SGCD: variants seen among roughly 807,000 people sequenced by gnomAD.
SGCD encodes delta-sarcoglycan.
Under a neutral mutation model 36.6 loss-of-function variants are expected in SGCD, and 18 were observed. That is an observed-to-expected ratio of 0.49 (90% CI 0.34 to 0.73). The LOEUF (loss-of-function observed/expected upper bound fraction) is 0.73, where lower values mean the gene tolerates loss of function less well. SGCD is among the 30% of genes least tolerant of loss of function. The probability of loss-of-function intolerance (pLI) is 0.01; values close to 1 mark genes in which losing one functional copy is unlikely to be tolerated. For synonymous variants in SGCD, 133 were observed against 130.6 expected, an observed-to-expected ratio of 1.02 and a Z score of -0.12; for missense variants, 387 against 346.7, an observed-to-expected ratio of 1.12 and a Z score of -0.92.
At chr5:155,859,151 C>T in the SGCD span, among the ~76,000 whole-genome samples, 3 of 151,910 alleles carry the variant, frequency 2.0e-5, no homozygotes, top group Admixed American at 6.6e-5. Context: ...AGCCGTAACC[C>T]CCAGACTCAG....
At chr5:156,413,552 C>T (rs1487124618) in intron 3 of SGCD, among the ~76,000 whole-genome samples, 1 of 152,218 alleles carries the variant, frequency 6.6e-6, no homozygotes, top group Non-Finnish European at 1.5e-5. Context: ...TCACAGCTCA[C>T]TGCAGCCTCA....
the SGCD span, among the ~76,000 whole-genome samples, chr5:155,821,353 G>C: frequency 4.2e-3 from 630 of 151,494 alleles, 7 homozygotes; most frequent in Non-Finnish European, 6.6e-3. Flanking sequence ...TTTCTCTGTT[G>C]CCCAGGCTGG....
At chr5:155,940,085 G>T (rs1383223316) in intron 1 of SGCD, among the ~76,000 whole-genome samples, 1 of 152,106 alleles carries the variant, frequency 6.6e-6, no homozygotes, top group Non-Finnish European at 1.5e-5. Context: ...TGATCCACCT[G>T]CCTCAGCTTT....
At chr5:156,742,460 A>G (rs995231662) in intron 7 of SGCD, among the ~76,000 whole-genome samples, 4 of 151,968 alleles carry the variant, frequency 2.6e-5, no homozygotes, top group East Asian at 1.9e-4. Context: ...ACAACACTAG[A>G]AATCAGCCTT....
intron 3 of SGCD, among the ~76,000 whole-genome samples, chr5:156,449,852 CAAAAAAAAAA>C (rs10548772): frequency 1.3e-4 from 9 of 67,830 alleles, no homozygotes; most frequent in African/African-American, 4.7e-4. Context: ...AACTCCATCT[CAAAAAAAAAA>C]AAAAAAAAAA....
At chr5:156,099,229 G>A (rs895683790) in intron 1 of SGCD, among the ~76,000 whole-genome samples, 1 of 152,126 alleles carries the variant, frequency 6.6e-6, no homozygotes, top group African/African-American at 2.4e-5. Context: ...AAACATTTCT[G>A]GAGTTAATGG....
chr5:156,339,917 C>T (rs1428936444), intron 2 of SGCD, among the ~76,000 whole-genome samples: 1 of 152,114 alleles, frequency 6.6e-6, no homozygotes, highest in African/African-American at 2.4e-5. Flanking sequence ...GGTTGTATAG[C>T]CTTTAATTGT....
chr5:156,668,886 A>G (rs1011575068), intron 7 of SGCD, among the ~76,000 whole-genome samples: 1 of 152,176 alleles, frequency 6.6e-6, no homozygotes, highest in African/African-American at 2.4e-5. Flanking sequence ...GCAAAGGGTC[A>G]TTGCATATTT....
chr5:156,201,859 T>C (rs1004375369), intron 3 of SGCD, among the ~76,000 whole-genome samples: 24 of 152,106 alleles, frequency 1.6e-4, no homozygotes, highest in Non-Finnish European at 3.5e-4. Context: ...GCTTTATAAA[T>C]GTCAGAGTTG....
At chr5:156,547,771 A>C (rs1444429302) in intron 4 of SGCD, among the ~76,000 whole-genome samples, 2 of 152,164 alleles carry the variant, frequency 1.3e-5, no homozygotes, top group African/African-American at 4.8e-5. Flanking sequence ...GGAAGGCTGA[A>C]AGTTGGTCTC....
At chr5:155,861,763 C>T in the SGCD span, among the ~76,000 whole-genome samples, 1 of 152,138 alleles carries the variant, frequency 6.6e-6, no homozygotes, top group African/African-American at 2.4e-5. Flanking sequence ...TGCCCATCCT[C>T]TCTATCTGTG....
At chr5:156,301,686 G>A (rs575899828) in intron 3 of SGCD, among the ~76,000 whole-genome samples, 4 of 152,178 alleles carry the variant, frequency 2.6e-5, no homozygotes, top group African/African-American at 9.6e-5. Flanking sequence ...TTTCTTGTAA[G>A]ATAGATCTGG....
At position 156,444,064 on chromosome 5, in the gene SGCD, T is replaced by TTCTCTC. The variant is rs535098783; in HGVS notation, c.193-64490_193-64485dup. 6.4e-3 allele frequency among the ~76,000 whole-genome samples: 222 copies of TTCTCTC among 34,450 alleles called. 3 individuals are homozygous for TTCTCTC. Among genetic ancestry groups the TTCTCTC allele is most frequent in the African/African-American group, 9.2e-3 (90 of 9,806 alleles). The allele number at this position is 34,450 out of a possible 152,430, so 22.6% of individuals were successfully genotyped here. A position where few individuals can be genotyped will look rare whatever the true frequency, so the allele number is the denominator to read the frequency against. On this transcript the variant is annotated intron_variant, in intron 3 of 8. Transcript: ENST00000337851. ...CACGCTTTGGAGACTCTTTCTCTCCTTCTCTCTCTCTCTCTCTCTCTCTCT... is the reference window on the plus strand; with the variant it reads ...CACGCTTTGGAGACTCTTTCTCTCCTTCTCTCTCTCTCTCTCTCTCTCTCTCTCTCT...
intron 1 of SGCD, among the ~76,000 whole-genome samples, chr5:155,884,666 A>T (rs543428235): frequency 6.6e-6 from 1 of 152,316 alleles, no homozygotes; most frequent in African/African-American, 2.4e-5. Flanking sequence ...GCATCTGGAT[A>T]GGTATGAACT....
intron 3 of SGCD, among the ~76,000 whole-genome samples, chr5:156,466,990 A>G (rs1754748446): frequency 6.6e-6 from 1 of 152,178 alleles, no homozygotes; most frequent in South Asian, 2.1e-4. Context: ...CATGGGAGAC[A>G]TGTTGAAGGT....
chr5:156,536,833 C>A (rs996629428), intron 4 of SGCD, among the ~76,000 whole-genome samples: 4 of 152,156 alleles, frequency 2.6e-5, no homozygotes, highest in African/African-American at 7.2e-5. Flanking sequence ...GTATTTATTT[C>A]TTTTCCTCAG....
intron 3 of SGCD, among the ~76,000 whole-genome samples, chr5:156,467,429 G>A (rs1029463624): frequency 6.6e-6 from 1 of 152,076 alleles, no homozygotes; most frequent in Non-Finnish European, 1.5e-5. Context: ...AAGAAAGAAA[G>A]CAAGCATAAG....
At chr5:156,152,533 G>C (rs1459235468) in intron 3 of SGCD, among the ~76,000 whole-genome samples, 1 of 151,550 alleles carries the variant, frequency 6.6e-6, no homozygotes, top group African/African-American at 2.4e-5. Context: ...TCAAGACTTA[G>C]TATAAAAAAT....
chr5:156,130,417 C>T (rs1342769699), intron 3 of SGCD, among the ~76,000 whole-genome samples: 1 of 152,120 alleles, frequency 6.6e-6, no homozygotes, highest in Non-Finnish European at 1.5e-5. Context: ...CAGATATTTT[C>T]GTCCATTCTG....
Sources: allele counts gnomAD v4.1 joint callset (sites outside exome capture counted in the v4.1 genomes callset), GRCh38; gene constraint gnomAD v4.1.1; transcripts MANE v1.5; gene names NCBI Gene and HGNC (gene_info 2026-07-23, HGNC 2026-07-21).